Variants in P2RY14 observed in about 807,000 individuals in gnomAD.
The protein encoded by P2RY14 is purinergic receptor P2Y14, also known as P2Y purinoceptor 14.
In P2RY14, 2 loss-of-function variants were observed where a neutral mutation model predicts 0.9. That is an observed-to-expected ratio of 2.16 (90% CI 0.88 to 6.79). The LOEUF is 6.79. Ranked by LOEUF, P2RY14 falls within the 30% of genes most tolerant of loss-of-function variation. The probability of loss-of-function intolerance (pLI) is 0.05; values close to 1 mark genes in which losing one functional copy is unlikely to be tolerated. For synonymous variants in P2RY14, 158 were observed against 147.2 expected, an observed-to-expected ratio of 1.07 and a Z score of -0.53; for missense variants, 378 against 400.1, an observed-to-expected ratio of 0.94 and a Z score of 0.47.
chr3:151,228,013 A>G lies in P2RY14; in HGVS notation c.-132-8371T>C, dbSNP rs1730885720. Reference sequence around the variant, plus strand: ...GACCCCTTAATGGTAGGTATGTTTCAGATGATTTTGATACAGGAAGAGAAT... The same window carrying G: ...GACCCCTTAATGGTAGGTATGTTTCGGATGATTTTGATACAGGAAGAGAAT... On this transcript the variant is annotated intron_variant, in intron 1 of 2. Transcript: ENST00000309170. Among the ~76,000 whole-genome samples, 3 of 152,210 alleles carry G rather than the reference A, an allele frequency of 2.0e-5. No individual in the cohort carries two copies. In the South Asian group the frequency reaches 6.2e-4, roughly 32 times the overall value.
chr3:151,273,389 G>A (rs186089878), intron 1 of P2RY14, among the ~76,000 whole-genome samples: 288 of 144,276 alleles, frequency 2.0e-3, no homozygotes, highest in African/African-American at 7.2e-3. Context: ...CACCATGCCC[G>A]GCTAATTTTT....
intron 2 of P2RY14, among the ~76,000 whole-genome samples, chr3:151,215,758 G>A (rs1220712265): frequency 6.6e-6 from 1 of 152,176 alleles, no homozygotes; most frequent in Non-Finnish European, 1.5e-5. Flanking sequence ...CTTGCCCTCA[G>A]GAGAATGCCC....
chr3:151,262,135 T>C (rs2149503159), intron 1 of P2RY14, among the ~76,000 whole-genome samples: 1 of 152,338 alleles, frequency 6.6e-6, no homozygotes, highest in African/African-American at 2.4e-5. Flanking sequence ...TATTGAAAGT[T>C]AGATAGCTAG....
chr3:151,278,260 C>T (rs1463007475), intron 1 of P2RY14, 27 bp downstream of exon 1: 1 of 152,226 alleles, frequency 6.6e-6, no homozygotes, highest in Non-Finnish European at 1.5e-5. Context: ...ACATGCAAGT[C>T]ATTTCATGGA....
rs959895516 is a variant in P2RY14 at position 151,239,923 on chromosome 3, A to G, written c.-132-20281T>C. On this transcript the variant is annotated intron_variant, in intron 1 of 2. Coordinates refer to ENST00000309170, the MANE Select transcript of P2RY14 (RefSeq NM_014879.4). ...TGAAACTTCCCAAGTTCATTTTTGT[A>G]ACTTGTACAGAACACATATCTTTCA... is the stretch of plus-strand genomic sequence containing the variant. Among the ~76,000 whole-genome samples, 9 of 152,348 alleles carry G rather than the reference A, an allele frequency of 5.9e-5. No homozygotes were observed. The East Asian group carries it at 1.3e-3, about 23-fold the overall frequency.
intron 1 of P2RY14, among the ~76,000 whole-genome samples, chr3:151,248,681 A>C (rs1293070398): frequency 6.6e-6 from 1 of 152,168 alleles, no homozygotes; most frequent in Non-Finnish European, 1.5e-5. Context: ...GGATACTTAC[A>C]AGGAAAATTT....
chr3:151,232,142 C>T (rs1731811652), intron 1 of P2RY14, among the ~76,000 whole-genome samples: 3 of 152,118 alleles, frequency 2.0e-5, no homozygotes, highest in African/African-American at 7.2e-5. Flanking sequence ...GTCTCCTCTG[C>T]CCATCCTTAA....
intron 1 of P2RY14, among the ~76,000 whole-genome samples, chr3:151,247,010 C>T (rs1282232185): frequency 2.0e-5 from 3 of 152,082 alleles, no homozygotes; most frequent in African/African-American, 7.2e-5. Context: ...CCAAAAAACA[C>T]ATGAAAAAAT....
At chr3:151,254,103 C>A (rs2149464861) in intron 1 of P2RY14, among the ~76,000 whole-genome samples, 1 of 150,008 alleles carries the variant, frequency 6.7e-6, no homozygotes, top group South Asian at 2.1e-4. Flanking sequence ...AAATAGAAGT[C>A]CATACCCTTT....
At chr3:151,260,704 CT>C (rs1354833670) in intron 1 of P2RY14, among the ~76,000 whole-genome samples, 2 of 152,108 alleles carry the variant, frequency 1.3e-5, no homozygotes, top group Admixed American at 6.5e-5. Flanking sequence ...TGCTGACCGG[CT>C]TTGTTTCCCA....
chr3:151,268,309 G>T (rs1187636047), intron 1 of P2RY14, among the ~76,000 whole-genome samples: 1 of 151,902 alleles, frequency 6.6e-6, no homozygotes, highest in African/African-American at 2.4e-5. Flanking sequence ...CTGTTTTATG[G>T]CCTAATTTGT....
At chr3:151,225,064 A>G (rs1730220394) in intron 1 of P2RY14, among the ~76,000 whole-genome samples, 1 of 152,276 alleles carries the variant, frequency 6.6e-6, no homozygotes. Context: ...TTACCCAAGC[A>G]GAGCTGGATA....
At chr3:151,228,344 C>T (rs1730959716) in intron 1 of P2RY14, among the ~76,000 whole-genome samples, 1 of 152,104 alleles carries the variant, frequency 6.6e-6, no homozygotes, top group Admixed American at 6.5e-5. Context: ...GGTTCCTGTT[C>T]CCATAAGAAT....
chr3:151,256,451 G>C (rs1460732087), intron 1 of P2RY14, among the ~76,000 whole-genome samples: 1 of 152,160 alleles, frequency 6.6e-6, no homozygotes, highest in African/African-American at 2.4e-5. Flanking sequence ...TCTTTCCCTT[G>C]GTCCCCATTG....
At chr3:151,237,965 A>G (rs571580675) in intron 1 of P2RY14, among the ~76,000 whole-genome samples, 3 of 152,232 alleles carry the variant, frequency 2.0e-5, no homozygotes, top group South Asian at 4.2e-4. Flanking sequence ...TGTCTCTACT[A>G]TAAATAGGCT....
chr3:151,223,882 T>C (rs1729930063), intron 1 of P2RY14, among the ~76,000 whole-genome samples: 1 of 152,202 alleles, frequency 6.6e-6, no homozygotes, highest in Non-Finnish European at 1.5e-5. Context: ...GGGAGGGAAG[T>C]AGGAGCAAGT....
intron 1 of P2RY14, among the ~76,000 whole-genome samples, chr3:151,254,228 G>A (rs915489457): frequency 1.3e-5 from 2 of 152,204 alleles, no homozygotes; most frequent in East Asian, 1.9e-4. Flanking sequence ...TGACTTCCTT[G>A]TGTGGAAGAT....
At chr3:151,244,236 G>C (rs1376471701) in intron 1 of P2RY14, among the ~76,000 whole-genome samples, 1 of 134,846 alleles carries the variant, frequency 7.4e-6, no homozygotes, top group Non-Finnish European at 1.6e-5. Context: ...AGGATACCCA[G>C]GAATTGAACT....
chr3:151,234,950 C>A (rs1248496355), intron 1 of P2RY14, among the ~76,000 whole-genome samples: 1 of 152,188 alleles, frequency 6.6e-6, no homozygotes, highest in East Asian at 1.9e-4. Flanking sequence ...AGCGAACTTT[C>A]TTCTATCTCT....
Sources: allele counts gnomAD v4.1 joint callset (sites outside exome capture counted in the v4.1 genomes callset), GRCh38; gene constraint gnomAD v4.1.1; transcripts MANE v1.5; gene names NCBI Gene and HGNC (gene_info 2026-07-23, HGNC 2026-07-21).